Variants in ACACB observed in about 807,000 individuals in gnomAD.
ACACB encodes acetyl-CoA carboxylase 2.
A neutral mutation model predicts 278.8 loss-of-function variants in ACACB; 209 were observed. The observed-to-expected ratio is 0.75, with a 90% CI of 0.67 to 0.84. The LOEUF (loss-of-function observed/expected upper bound fraction) is 0.84, where lower values mean the gene tolerates loss of function less well. ACACB is among the 40% of genes least tolerant of loss of function. ACACB has a pLI of 0.00. For synonymous variants in ACACB, 1,174 were observed against 1,285.6 expected, an observed-to-expected ratio of 0.91 and a Z score of 1.86; for missense variants, 2,850 against 3,269.0, an observed-to-expected ratio of 0.87 and a Z score of 3.13.
At chr12:109,163,723 C>T (rs1344942404) in intron 2 of ACACB, among the ~76,000 whole-genome samples, 1 of 151,894 alleles carries the variant, frequency 6.6e-6, no homozygotes, top group African/African-American at 2.4e-5. Flanking sequence ...AATCTTGGCT[C>T]ACTACAACAT....
intron 22 of ACACB, 69 bp from the exon 23 acceptor site, chr12:109,216,549 A>C: frequency 1.3e-6 from 2 of 1,495,864 alleles, no homozygotes; most frequent in Non-Finnish European, 1.8e-6. Flanking sequence ...AATCATAAAA[A>C]AAAATACTAA....
intron 1 of ACACB, among the ~76,000 whole-genome samples, chr12:109,119,392 C>A (rs2042483534): frequency 6.6e-6 from 1 of 151,432 alleles, no homozygotes; most frequent in African/African-American, 2.4e-5. Flanking sequence ...GAGTTTGAGA[C>A]CAACCTGGCC....
intron 20 of ACACB, 66 bp downstream of exon 20, chr12:109,206,922 A>AGCAGAGGTCATT: frequency 6.4e-7 from 1 of 1,554,166 alleles, no homozygotes; most frequent in Non-Finnish European, 8.9e-7. Flanking sequence ...ACCCCGTGAC[A>AGCAGAGGTCATT]GCAGAGGTCA....
intron 34 of ACACB, among the ~76,000 whole-genome samples, 193 bp from the exon 35 acceptor site, chr12:109,239,635 CAT>C (rs1281063278): frequency 6.6e-6 from 1 of 152,256 alleles, no homozygotes; most frequent in Non-Finnish European, 1.5e-5. Context: ...AAATAGGACA[CAT>C]GTCAATACAC....
chr12:109,205,137 A>G (rs1320901528), intron 19 of ACACB, among the ~76,000 whole-genome samples: 1 of 152,218 alleles, frequency 6.6e-6, no homozygotes, highest in African/African-American at 2.4e-5. Context: ...TACAAGGGTG[A>G]GCCACTGTGC....
At chr12:109,159,962 C>T (rs2043670639) in intron 2 of ACACB, among the ~76,000 whole-genome samples, 2 of 151,690 alleles carry the variant, frequency 1.3e-5, no homozygotes, top group South Asian at 4.2e-4. Flanking sequence ...TGGTGGCAGG[C>T]ACCTATAGTC....
At chr12:109,235,512 G>A in intron 32 of ACACB, 94 bp from the exon 33 acceptor site, 5 of 1,420,436 alleles carry the variant, frequency 3.5e-6, no homozygotes, top group Non-Finnish European at 5.0e-6. Context: ...TTCTAGAAGT[G>A]AATGTAATCG....
intron 37 of ACACB, among the ~76,000 whole-genome samples, chr12:109,243,311 G>A (rs2046850911): frequency 6.6e-6 from 1 of 152,092 alleles, no homozygotes; most frequent in Non-Finnish European, 1.5e-5. Flanking sequence ...AAAAAATAAT[G>A]TTTTGGGTTG....
chr12:109,175,712 C>G (rs2044261067), intron 7 of ACACB, among the ~76,000 whole-genome samples: 1 of 152,178 alleles, frequency 6.6e-6, no homozygotes, highest in African/African-American at 2.4e-5. Context: ...AGCCACCACG[C>G]CTGGCAGTTA....
intron 22 of ACACB, among the ~76,000 whole-genome samples, chr12:109,215,628 G>A (rs912233202): frequency 5.3e-5 from 8 of 152,056 alleles, no homozygotes; most frequent in African/African-American, 1.9e-4. Flanking sequence ...GCCGAGCGTG[G>A]GTGGCAGGCG....
intron 43 of ACACB, 113 bp from the exon 44 acceptor site, chr12:109,254,101 G>A (rs1199242626): frequency 1.5e-5 from 20 of 1,293,040 alleles, no homozygotes; most frequent in Non-Finnish European, 2.1e-5. Flanking sequence ...GCCCTAGGGA[G>A]GGGATATTGC....
intron 1 of ACACB, among the ~76,000 whole-genome samples, chr12:109,123,369 G>T (rs920607192): frequency 8.6e-5 from 13 of 151,108 alleles, no homozygotes; most frequent in East Asian, 2.0e-4. Context: ...AGTTTTTTTT[G>T]TTTGTTTGTT....
Position 109,237,208 on chromosome 12 carries a change from C to T in ACACB, c.4490C>T (p.Ala1497Val). Reference sequence around the variant, plus strand: ...TACCGTCACTTGGAACCTGCCCTGGCCTTCCAGCTGGAACTTAACCGGATG... The same window carrying T: ...TACCGTCACTTGGAACCTGCCCTGGTCTTCCAGCTGGAACTTAACCGGATG... ...RIYRHLEPAL[A>V]FQLELNRMRN... The change falls in exon 34 of 53, where the codon GCC (alanine) becomes GTC (valine). Residue 1497 changes from alanine (A) to valine (V), a missense_variant. Coordinates refer to ENST00000338432, the MANE Select transcript of ACACB (RefSeq NM_001093.4). 1.2e-6 allele frequency: 2 copies of T among 1,614,170 alleles called. No individual in the cohort carries two copies. Among genetic ancestry groups the T allele is most frequent in the Admixed American group, 3.3e-5 (2 of 60,020 alleles).
chr12:109,111,538 GTTTT>G, the ACACB span: 1 of 150,016 alleles, frequency 6.7e-6, no homozygotes, highest in African/African-American at 2.5e-5. Flanking sequence ...CCACAATTGT[GTTTT>G]TTTTTCTTTC....
Position 109,197,085 on chromosome 12 carries a change from T to C in ACACB, c.2559T>C (p.Asn853=), listed in dbSNP as rs766123478. ...TCGAGATTGATGCCCACCGGCTGAA[T>C]GATGGGGGGCTCCTGCTCTCCTACA... ...CHIEIDAHRL[N]DGGLLLSYNG... The change falls in exon 17 of 53, where the codon AAT becomes AAC. Residue 853 remains asparagine (N), a synonymous_variant. Coordinates refer to ENST00000338432, the MANE Select transcript of ACACB (RefSeq NM_001093.4). 2.5e-6 allele frequency: 4 copies of C among 1,598,894 alleles called. No homozygotes were observed. Among genetic ancestry groups the C allele is most frequent in the Non-Finnish European group, 2.6e-6 (3 of 1,174,414 alleles).
intron 1 of ACACB, among the ~76,000 whole-genome samples, chr12:109,128,994 C>A (rs2042753988): frequency 6.6e-6 from 1 of 151,692 alleles, no homozygotes; most frequent in Admixed American, 6.6e-5. Context: ...GTGGCCTGGA[C>A]ACAGGCCAGG....
At chr12:109,151,939 G>C (rs143702866) in intron 2 of ACACB, among the ~76,000 whole-genome samples, 1 of 152,148 alleles carries the variant, frequency 6.6e-6, no homozygotes, top group Non-Finnish European at 1.5e-5. Flanking sequence ...GTTTTGCACC[G>C]ACTGAATATT....
chr12:109,258,903 T>G (rs1415554897), intron 46 of ACACB, 70 bp from the exon 47 acceptor site: 1 of 1,580,298 alleles, frequency 6.3e-7, no homozygotes, highest in African/African-American at 1.3e-5. Flanking sequence ...AGCGAGGTTC[T>G]GGCAGCCGTC....
chr12:109,225,566 C>T (rs2046290323), intron 27 of ACACB, among the ~76,000 whole-genome samples: 1 of 152,222 alleles, frequency 6.6e-6, no homozygotes, highest in Non-Finnish European at 1.5e-5. Context: ...GAACCTTCCC[C>T]AAATTCAAGT....
Sources: allele counts gnomAD v4.1 joint callset (sites outside exome capture counted in the v4.1 genomes callset), GRCh38; gene constraint gnomAD v4.1.1; transcripts MANE v1.5; gene names NCBI Gene and HGNC (gene_info 2026-07-23, HGNC 2026-07-21).